Variants in TUB observed in about 807,000 individuals in gnomAD.
TUB encodes TUB bipartite transcription factor.
Under a neutral mutation model 59.7 loss-of-function variants are expected in TUB, and 33 were observed. The observed-to-expected ratio is 0.55, with a 90% CI of 0.42 to 0.74. The LOEUF (loss-of-function observed/expected upper bound fraction) is 0.74, where lower values mean the gene tolerates loss of function less well. Among genes scored for constraint, TUB ranks in the 30% least tolerant of loss-of-function variants. The pLI is 0.00. For synonymous variants in TUB, 293 were observed against 256.4 expected (o/e 1.14, Z -1.36); for missense variants, 659 against 672.0 (o/e 0.98, Z 0.21).
rs766983454 is a variant in TUB at position 8,089,593 on chromosome 11, C to G, written c.39-17C>G. The G allele has an allele frequency of 1.6e-5, 26 of 1,613,874 alleles. No homozygotes were observed. Among genetic ancestry groups the G allele is most frequent in the Non-Finnish European group, 2.2e-5 (26 of 1,179,902 alleles). ...ACCTCACGGGCAAGCCCTGAAAACC[C>G]CTCTTTCGCTCTGCAGTGTCTTAGA... On this transcript the variant is annotated splice_polypyrimidine_tract_variant and intron_variant, in intron 1 of 11. Transcript: ENST00000299506.
intron 2 of TUB, among the ~76,000 whole-genome samples, chr11:8,066,800 G>A (rs979493445): frequency 6.6e-6 from 1 of 152,196 alleles, no homozygotes; most frequent in South Asian, 2.1e-4. Flanking sequence ...GAGTTGTGAC[G>A]AGACCTGCAT....
Position 8,105,369 on chromosome 11 carries a change from G to A in TUB, c.*3750G>A, listed in dbSNP as rs1373917351. 3.3e-5 allele frequency: 5 copies of A among 152,168 alleles called. No individual in the cohort carries two copies. The highest frequency in any genetic ancestry group is 7.3e-5 in the Non-Finnish European group (5 of 68,034). 9.4% of individuals were successfully genotyped at this position (152,168 alleles called of 1,614,324 possible). On this transcript the variant is annotated 3_prime_UTR_variant, in exon 12 of 12. Coordinates refer to ENST00000299506, the MANE Select transcript of TUB (RefSeq NM_177972.3). ...TACTACCCTGGGCTCTGGTCTGTAG[G>A]TTTGTAGTAGCCACCGGTAATAAGC...
exon 1 of TUB, chr11:8,019,324 C>T (rs1481535978): frequency 8.6e-6 from 11 of 1,282,400 alleles, no homozygotes; most frequent in African/African-American, 7.7e-5. Context: ...CAGCAGCCAC[C>T]GGACCCTGTC....
At chr11:8,041,087 A>C (rs1032484639) in intron 2 of TUB, among the ~76,000 whole-genome samples, 1 of 152,244 alleles carries the variant, frequency 6.6e-6, no homozygotes, top group African/African-American at 2.4e-5. Context: ...TCCTTTGGCC[A>C]TGACCTTGCC....
intron 9 of TUB, 148 bp from the exon 10 acceptor site, chr11:8,100,355 C>T (rs1463549437): frequency 6.0e-6 from 4 of 665,220 alleles, no homozygotes; most frequent in East Asian, 5.5e-5. Flanking sequence ...GGGCTCAGTT[C>T]TGGCCGTGTT....
At chr11:8,020,927 C>T (rs182826727) in intron 1 of TUB, among the ~76,000 whole-genome samples, 5 of 152,206 alleles carry the variant, frequency 3.3e-5, no homozygotes, top group East Asian at 3.9e-4. Context: ...GAATTTCCTC[C>T]GGGAGATGAG....
intron 9 of TUB, among the ~76,000 whole-genome samples, chr11:8,100,276 C>T (rs1324983712): frequency 6.7e-6 from 1 of 150,300 alleles, no homozygotes; most frequent in Non-Finnish European, 1.5e-5. Flanking sequence ...AGTGGAAGAA[C>T]AGCATTGCCG....
rs1209228379 is a variant in TUB at position 8,081,542 on chromosome 11, C to T, written c.32C>T (p.Pro11Leu). 1.9e-6 allele frequency: 3 copies of T among 1,549,682 alleles called. No homozygotes were observed. The highest frequency in any genetic ancestry group is 1.9e-5 in the Admixed American group (1 of 52,230). ...TCCAAGCCGCATTCCGACTGGATTC[C>T]CTACAGGTACGCGGGCGCCGGGCCG... MTSKPHSDWI[P>L]YSVLDDEGRN... Residue 11 changes from proline to leucine, a missense_variant, in exon 1 of 12, where the codon CCC (proline) becomes CTC (leucine). Coordinates refer to ENST00000299506, the MANE Select transcript of TUB (RefSeq NM_177972.3).
intron 2 of TUB, among the ~76,000 whole-genome samples, chr11:8,042,679 T>G (rs927877857): frequency 6.6e-6 from 1 of 152,228 alleles, no homozygotes; most frequent in Admixed American, 6.5e-5. Context: ...GTGGTTTGGC[T>G]TACATTTCCC....
chr11:8,058,519 G>C (rs1326305905), intron 2 of TUB, among the ~76,000 whole-genome samples: 3 of 152,226 alleles, frequency 2.0e-5, no homozygotes, highest in African/African-American at 7.2e-5. Flanking sequence ...ACCTGAGAAA[G>C]TGATGGGAAA....
At chr11:8,088,549 T>C (rs185189334) in intron 1 of TUB, among the ~76,000 whole-genome samples, 1 of 152,334 alleles carries the variant, frequency 6.6e-6, no homozygotes, top group East Asian at 1.9e-4. Flanking sequence ...ACAAACCTAA[T>C]GCACTCGGGC....
intron 9 of TUB, among the ~76,000 whole-genome samples, 156 bp from the exon 10 acceptor site, chr11:8,100,347 G>A (rs1183792875): frequency 1.3e-5 from 2 of 152,170 alleles, no homozygotes; most frequent in Non-Finnish European, 2.9e-5. Context: ...AGACCCAGGG[G>A]CTCAGTTCTG....
chr11:8,086,092 G>A (rs922136254), intron 1 of TUB, among the ~76,000 whole-genome samples: 1 of 152,318 alleles, frequency 6.6e-6, no homozygotes, highest in Admixed American at 6.5e-5. Flanking sequence ...GGAGGTGCCC[G>A]TGATGTAGGA....
At chr11:8,019,632 A>G (rs1217297605) in intron 1 of TUB, among the ~76,000 whole-genome samples, 1 of 151,934 alleles carries the variant, frequency 6.6e-6, no homozygotes, top group African/African-American at 2.4e-5. Flanking sequence ...CCCCCACCCC[A>G]GCTGCCCCGC....
intron 11 of TUB, 96 bp downstream of exon 11, chr11:8,101,093 G>A: frequency 7.1e-7 from 1 of 1,401,162 alleles, no homozygotes. Flanking sequence ...ACTGGCTAGA[G>A]TTTAAGAATG....
chr11:8,077,221 G>A (rs1943464838), upstream of TUB: 1 of 152,174 alleles, frequency 6.6e-6, no homozygotes, highest in African/African-American at 2.4e-5. Context: ...ATTATTCTTG[G>A]CTTAAAACCC....
At chr11:8,040,036 G>A (rs988776529) in intron 2 of TUB, among the ~76,000 whole-genome samples, 1 of 152,174 alleles carries the variant, frequency 6.6e-6, no homozygotes, top group Admixed American at 6.5e-5. Flanking sequence ...GAAAGGAGGT[G>A]TCCTCTACAT....
chr11:8,099,696 A>G (rs1198847354), intron 9 of TUB, among the ~76,000 whole-genome samples: 2 of 152,250 alleles, frequency 1.3e-5, no homozygotes, highest in Non-Finnish European at 2.9e-5. Flanking sequence ...AACACTAAGA[A>G]GAAAAAGTAG....
chr11:8,049,277 C>G (rs940433520), intron 2 of TUB, among the ~76,000 whole-genome samples: 2 of 152,192 alleles, frequency 1.3e-5, no homozygotes, highest in African/African-American at 4.8e-5. Flanking sequence ...AGAGCTGAGG[C>G]TTCCACAGCT....
Sources: gnomAD v4.1 joint callset for allele counts (sites outside exome capture counted in the v4.1 genomes callset) on GRCh38, gnomAD v4.1.1 for gene constraint, MANE v1.5 for transcripts, NCBI Gene and HGNC (gene_info 2026-07-23, HGNC 2026-07-21) for gene names.